AEBP2: variants seen among roughly 807,000 people sequenced by gnomAD.
AEBP2 encodes the protein zinc finger protein AEBP2.
Under a neutral mutation model 50.8 loss-of-function variants are expected in AEBP2, and 10 were observed. That is an observed-to-expected ratio of 0.20 (90% CI 0.12 to 0.33). AEBP2 has a LOEUF of 0.33. AEBP2 is among the 10% of genes least tolerant of loss of function. AEBP2 has a pLI of 1.00. For missense variants in AEBP2, 570 were observed against 688.0 expected (o/e 0.83, Z 1.92); for synonymous variants, 296 against 261.3 (o/e 1.13, Z -1.28).
chr12:19,419,048 C>A, intron 1 of AEBP2: 1 of 166,264 alleles, frequency 6.0e-6, no homozygotes, highest in South Asian at 1.7e-4. Flanking sequence ...CAGTAGTGAT[C>A]TCCTCACTCT....
At position 19,443,597 on chromosome 12, in the gene AEBP2, C is replaced by A. The variant is rs550223763; in HGVS notation, c.671+3227C>A. ...AATGAGCCAGGCATGGTGGTGCAGG[C>A]ATGTAATCCCAGCTACTCAGGAGGC... On this transcript the variant is annotated intron_variant, in intron 1 of 7. Transcript: ENST00000266508. Among the ~76,000 whole-genome samples the A allele has an allele frequency of 3.2e-4, 48 of 152,066 alleles. 1 individual carries two copies. The highest frequency in any genetic ancestry group is 2.1e-3 in the Admixed American group (32 of 15,276).
At chr12:19,464,788 C>G (rs1171351073) in intron 2 of AEBP2, among the ~76,000 whole-genome samples, 1 of 151,644 alleles carries the variant, frequency 6.6e-6, no homozygotes, top group Non-Finnish European at 1.5e-5. Context: ...TGGGGTTTCA[C>G]CATGTTGGCC....
At chr12:19,406,694 A>C (rs1351247727) in intron 1 of AEBP2, among the ~76,000 whole-genome samples, 1 of 152,114 alleles carries the variant, frequency 6.6e-6, no homozygotes, top group African/African-American at 2.4e-5. Context: ...AAAAAAAAAA[A>C]AATTTTACTG....
chr12:19,490,708 C>T (rs1406236206), intron 3 of AEBP2, among the ~76,000 whole-genome samples: 3 of 152,124 alleles, frequency 2.0e-5, no homozygotes, highest in East Asian at 1.9e-4. Context: ...TCAAGTGATC[C>T]ACCCACCTCA....
chr12:19,461,686 TTTTTA>T, intron 1 of AEBP2, among the ~76,000 whole-genome samples: 1 of 152,182 alleles, frequency 6.6e-6, no homozygotes, highest in Admixed American at 6.5e-5. Context: ...ATTTTTTGTA[TTTTTA>T]GTAGCAGTGG....
intron 3 of AEBP2, among the ~76,000 whole-genome samples, chr12:19,484,437 T>C (rs1461306129): frequency 6.6e-6 from 1 of 150,998 alleles, no homozygotes; most frequent in African/African-American, 2.4e-5. Flanking sequence ...TGCAGTGGTG[T>C]GATCTCGGTT....
chr12:19,518,180 T>C lies in AEBP2; in HGVS notation c.*63T>C. On this transcript the variant is annotated 3_prime_UTR_variant, in exon 8 of 8. Coordinates refer to ENST00000266508, the MANE Select transcript of AEBP2 (RefSeq NM_153207.5). ...CACCTGCAGTCTTAGTCACTGACAA[T>C]GGGTTTAGGGAAAGTTGCACATTAG... 1 of 1,504,894 alleles carries C rather than the reference T, an allele frequency of 6.6e-7. No homozygotes were observed. Among genetic ancestry groups the C allele is most frequent in the South Asian group, 1.3e-5 (1 of 74,078 alleles). 93.2% of individuals were successfully genotyped at this position (1,504,894 alleles called of 1,614,324 possible). A position where few individuals can be genotyped will look rare whatever the true frequency, so the allele number is the denominator to read the frequency against.
chr12:19,514,860 C>A (rs1203478352), intron 7 of AEBP2, 76 bp downstream of exon 7: 15 of 1,136,322 alleles, frequency 1.3e-5, no homozygotes, highest in African/African-American at 3.2e-5. Context: ...TAAATTAGGA[C>A]TTAGTTTTAA....
intron 1 of AEBP2, among the ~76,000 whole-genome samples, chr12:19,405,922 C>T (rs912745210): frequency 3.3e-5 from 5 of 151,818 alleles, no homozygotes; most frequent in Admixed American, 2.6e-4. Flanking sequence ...CTGTGTCAGC[C>T]TCCGGAGTAG....
intron 1 of AEBP2, chr12:19,456,602 C>T (rs1948273623): frequency 6.5e-7 from 1 of 1,530,192 alleles, no homozygotes; most frequent in Non-Finnish European, 9.0e-7. Flanking sequence ...TCAGGATAAT[C>T]ACCTGAGCAG....
chr12:19,420,213 G>A (rs1335216574), intron 1 of AEBP2, among the ~76,000 whole-genome samples: 1 of 150,590 alleles, frequency 6.6e-6, no homozygotes, highest in African/African-American at 2.4e-5. Flanking sequence ...ATTTTTAGTA[G>A]AGACGGGGTT....
intron 1 of AEBP2, among the ~76,000 whole-genome samples, chr12:19,428,931 G>C (rs1565698595): frequency 6.6e-6 from 1 of 152,100 alleles, no homozygotes; most frequent in Non-Finnish European, 1.5e-5. Context: ...TTGAGCCCAG[G>C]AGTTCGAGCC....
chr12:19,427,398 A>C lies in AEBP2; in HGVS notation c.-17+23182A>C, dbSNP rs1280739450. ...GTCTCAAAAAAAAAAAAAAAAAAAA[A>C]ACGCAGAGGAAGGGTGAACTCTCTC... On this transcript the variant is annotated intron_variant, in intron 1 of 3. Coordinates refer to the AEBP2 transcript ENST00000538425. Among the ~76,000 whole-genome samples the C allele has an allele frequency of 5.9e-5, 9 of 151,580 alleles. No individual in the cohort carries two copies. The East Asian group carries it at 1.7e-3, about 29-fold the overall frequency.
intron 4 of AEBP2, among the ~76,000 whole-genome samples, chr12:19,499,204 A>G (rs985947023): frequency 1.3e-5 from 2 of 152,224 alleles, no homozygotes; most frequent in Non-Finnish European, 2.9e-5. Flanking sequence ...ACACGTGATA[A>G]CTGGTGGAGC....
At chr12:19,476,123 A>G (rs1269479950) in intron 3 of AEBP2, among the ~76,000 whole-genome samples, 1 of 152,184 alleles carries the variant, frequency 6.6e-6, no homozygotes, top group African/African-American at 2.4e-5. Flanking sequence ...GTTCTTGGTC[A>G]TAAACTCTTT....
At chr12:19,455,077 A>C (rs962469049) in intron 1 of AEBP2, among the ~76,000 whole-genome samples, 1 of 151,264 alleles carries the variant, frequency 6.6e-6, no homozygotes, top group African/African-American at 2.4e-5. Flanking sequence ...ATCATAGCTC[A>C]CTGCAGCCTT....
chr12:19,424,687 C>T (rs957203904), intron 1 of AEBP2, among the ~76,000 whole-genome samples: 1 of 151,936 alleles, frequency 6.6e-6, no homozygotes, highest in Non-Finnish European at 1.5e-5. Context: ...TGAGCCACCG[C>T]GCCCGGCCTA....
chr12:19,450,141 A>G (rs202158729), intron 1 of AEBP2, among the ~76,000 whole-genome samples: 1 of 152,160 alleles, frequency 6.6e-6, no homozygotes, highest in East Asian at 1.9e-4. Flanking sequence ...TGATGTGTCT[A>G]AATTCCTTAA....
chr12:19,518,410 G>C lies in AEBP2; in HGVS notation c.*293G>C, dbSNP rs1288450828. 1 of 1,229,064 alleles carries C rather than the reference G, an allele frequency of 8.1e-7. No homozygotes were observed. The highest frequency in any genetic ancestry group is 1.0e-6 in the Non-Finnish European group (1 of 984,356). The allele number at this position is 1,229,064 out of a possible 1,614,324, so 76.1% of individuals were successfully genotyped here. Reference sequence around the variant, plus strand: ...CAACTTAGTAGAACAGCTTCTTAAAGGCTTTGCATGCTTGCTGCTTTAAGC... The same window carrying C: ...CAACTTAGTAGAACAGCTTCTTAAACGCTTTGCATGCTTGCTGCTTTAAGC... On this transcript the variant is annotated 3_prime_UTR_variant, in exon 8 of 8. Coordinates refer to ENST00000266508, the MANE Select transcript of AEBP2 (RefSeq NM_153207.5).
Sources: allele counts gnomAD v4.1 joint callset (sites outside exome capture counted in the v4.1 genomes callset), GRCh38; gene constraint gnomAD v4.1.1; transcripts MANE v1.5; gene names NCBI Gene and HGNC (gene_info 2026-07-23, HGNC 2026-07-21).